Variants in TMPRSS15 observed in about 807,000 individuals in gnomAD.
TMPRSS15 encodes the protein transmembrane serine protease 15.
A neutral mutation model predicts 125.3 loss-of-function variants in TMPRSS15; 128 were observed. The observed-to-expected ratio is 1.02, with a 90% CI of 0.89 to 1.18. The LOEUF (loss-of-function observed/expected upper bound fraction) is 1.18. TMPRSS15 is among the 50% of genes most tolerant of loss of function. TMPRSS15 has a pLI of 0.00. For missense variants in TMPRSS15, 1,283 were observed against 1,212.7 expected, an observed-to-expected ratio of 1.06 and a Z score of -0.86; for synonymous variants, 446 against 423.2, an observed-to-expected ratio of 1.05 and a Z score of -0.66.
intron 18 of TMPRSS15, among the ~76,000 whole-genome samples, chr21:18,306,684 T>C (rs2075042872): frequency 6.6e-6 from 1 of 152,154 alleles, no homozygotes; most frequent in African/African-American, 2.4e-5. Context: ...TTCTAGATTT[T>C]AATGATTTAG....
intron 1 of TMPRSS15, among the ~76,000 whole-genome samples, chr21:18,444,415 T>A (rs2076250379): frequency 1.3e-5 from 2 of 151,982 alleles, no homozygotes; most frequent in African/African-American, 4.8e-5. Context: ...TTCTCACTCA[T>A]AAGTGGGAGT....
At chr21:18,417,755 C>A (rs1330497208) in intron 1 of TMPRSS15, among the ~76,000 whole-genome samples, 1 of 152,080 alleles carries the variant, frequency 6.6e-6, no homozygotes, top group African/African-American at 2.4e-5. Context: ...CAATGTGAAT[C>A]GATCCATATT....
intron 1 of TMPRSS15, among the ~76,000 whole-genome samples, chr21:18,400,890 CAAAT>C (rs1305102788): frequency 1.3e-5 from 2 of 151,970 alleles, no homozygotes; most frequent in Non-Finnish European, 2.9e-5. Context: ...AAACAAAAAA[CAAAT>C]AAACCCATTA....
At chr21:18,357,726 T>C (rs2075639717) in intron 8 of TMPRSS15, among the ~76,000 whole-genome samples, 2 of 151,778 alleles carry the variant, frequency 1.3e-5, no homozygotes, top group Non-Finnish European at 3.0e-5. Context: ...GAAATACTGC[T>C]TGTTTCCATT....
intron 1 of TMPRSS15, among the ~76,000 whole-genome samples, chr21:18,485,148 T>A (rs116614152): frequency 6.6e-6 from 1 of 151,896 alleles, no homozygotes; most frequent in Non-Finnish European, 1.5e-5. Flanking sequence ...AAAATTTTAC[T>A]CTAATGTCTT....
At position 18,279,013 on chromosome 21, in the gene TMPRSS15, A is replaced by G. The variant is rs763387419; in HGVS notation, c.2715T>C (p.Pro905=). 2.6e-6 allele frequency: 4 copies of G among 1,565,886 alleles called. No homozygotes were observed. In the Admixed American group the frequency reaches 7.0e-5, roughly 27 times the overall value. ...ICLPEENQVF[P]PGRNCSIAGW... The stretch of plus-strand genomic sequence containing the variant: ...CAGCAATAGAACAATTTCTTCCTGG[A>G]GGAAAAACTTGATTTTCTTCCGGTA... The change falls in exon 23 of 25, where the codon CCT becomes CCC. Residue 905 remains proline, a synonymous_variant. Transcript: ENST00000284885.
intron 1 of TMPRSS15, among the ~76,000 whole-genome samples, chr21:18,413,234 T>TCTC (rs2076170553): frequency 3.5e-5 from 5 of 143,052 alleles, no homozygotes; most frequent in South Asian, 2.4e-4. Context: ...TTCCTTCCTT[T>TCTC]TCTCTCTCTT....
intron 18 of TMPRSS15, among the ~76,000 whole-genome samples, chr21:18,300,883 T>C (rs2074964601): frequency 6.6e-6 from 1 of 152,088 alleles, no homozygotes; most frequent in South Asian, 2.1e-4. Context: ...ATGCCACTTG[T>C]TCCACCCCGA....
intron 24 of TMPRSS15, 54 bp downstream of exon 24, chr21:18,275,143 A>G: frequency 6.3e-7 from 1 of 1,594,146 alleles, no homozygotes; most frequent in Non-Finnish European, 8.6e-7. Flanking sequence ...CAATGAAATA[A>G]CTATAACACC....
intron 13 of TMPRSS15, among the ~76,000 whole-genome samples, chr21:18,338,017 A>C (rs1206353664): frequency 1.3e-5 from 2 of 152,206 alleles, no homozygotes; most frequent in African/African-American, 4.8e-5. Flanking sequence ...TTATTCTTTC[A>C]TTATAATTTC....
rs1364082499 is a variant in TMPRSS15, at chr21:18,352,979, TTCATTATCA to T, written c.1086_1094del (p.Asp362_Asn364del). 1 of 1,612,100 alleles carries T rather than the reference TTCATTATCA, an allele frequency of 6.2e-7. No homozygotes were observed. Among genetic ancestry groups the T allele is most frequent in the African/African-American group, 1.3e-5 (1 of 74,898 alleles). The stretch of plus-strand genomic sequence containing the variant: ...AGGTGCTTCCCTGAATCCTTTCCCA[TTCATTATCA>T]TCATTTAGATCCTGGACCCAGAAAC... On this transcript the variant is annotated inframe_deletion, in exon 10 of 25. Transcript: ENST00000284885.
intron 8 of TMPRSS15, 115 bp from the exon 9 acceptor site, chr21:18,353,978 T>A (rs2075599713): frequency 1.1e-6 from 1 of 884,804 alleles, no homozygotes; most frequent in Non-Finnish European, 1.8e-6. Context: ...TACAAATATC[T>A]ATCTGATACC....
intron 15 of TMPRSS15, 92 bp downstream of exon 15, chr21:18,329,077 A>G (rs2075319522): frequency 6.7e-7 from 1 of 1,483,994 alleles, no homozygotes; most frequent in African/African-American, 1.4e-5. Flanking sequence ...GCAAGTTGTA[A>G]AAGAGTGATT....
intron 18 of TMPRSS15, among the ~76,000 whole-genome samples, chr21:18,300,022 G>T (rs1322641215): frequency 6.6e-6 from 1 of 152,070 alleles, no homozygotes; most frequent in Non-Finnish European, 1.5e-5. Context: ...CTGTTTTACG[G>T]CACTCATGTC....
intron 17 of TMPRSS15, among the ~76,000 whole-genome samples, chr21:18,314,216 C>T (rs1163357856): frequency 6.6e-6 from 1 of 152,130 alleles, no homozygotes; most frequent in Non-Finnish European, 1.5e-5. Context: ...ACTGGGTGTG[C>T]AACCTTTGGC....
chr21:18,281,159 G>A lies in TMPRSS15; in HGVS notation c.2549C>T (p.Thr850Ile). 6.2e-7 allele frequency: 1 copy of A among 1,614,034 alleles called. No individual in the cohort carries two copies. Among genetic ancestry groups the A allele is most frequent in the Non-Finnish European group, 8.5e-7 (1 of 1,179,992 alleles). The change falls in exon 22 of 25, where the codon ACC (threonine) becomes ATC (isoleucine). Residue 850 changes from threonine (T) to isoleucine (I), a missense_variant. Transcript: ENST00000284885. ...ILGLHMKSNLTSPQTVPRLID... is the reference protein window; with the variant it reads ...ILGLHMKSNLISPQTVPRLID... ...TAATCGAGGGACTGTTTGAGGAGAG[G>A]TCAGATTTGATTTCATATGCAGGCC...
rs149147539 is a variant in TMPRSS15 at position 18,288,528 on chromosome 21, C to CTTT, written c.2486+5739_2486+5741dup. Among the ~76,000 whole-genome samples the CTTT allele has an allele frequency of 6.0e-4, 58 of 96,958 alleles. 1 individual carries two copies. Among genetic ancestry groups the CTTT allele is most frequent in the African/African-American group, 1.3e-3 (32 of 24,922 alleles). 63.6% of individuals were successfully genotyped at this position (96,958 alleles called of 152,430 possible). A position where few individuals can be genotyped will look rare whatever the true frequency, so the allele number is the denominator to read the frequency against. ...CTATTGTCCTAAGAAAATGCTCTTC[C>CTTT]TTTTTTTTTTTTTTTTTTTTTTTTT... On this transcript the variant is annotated intron_variant, in intron 21 of 24. Transcript: ENST00000284885.
chr21:18,400,517 T>C (rs1000758546), intron 1 of TMPRSS15, among the ~76,000 whole-genome samples: 2 of 152,184 alleles, frequency 1.3e-5, no homozygotes, highest in African/African-American at 4.8e-5. Flanking sequence ...CTGGTATATC[T>C]GGCTAGCCAT....
chr21:18,293,747 T>A (rs566628939), intron 21 of TMPRSS15, among the ~76,000 whole-genome samples: 1 of 152,320 alleles, frequency 6.6e-6, no homozygotes, highest in South Asian at 2.1e-4. Flanking sequence ...AAATTTCAGT[T>A]AATAGGTAGC....
Sources: gnomAD v4.1 joint callset for allele counts (sites outside exome capture counted in the v4.1 genomes callset) on GRCh38, gnomAD v4.1.1 for gene constraint, MANE v1.5 for transcripts, NCBI Gene and HGNC (gene_info 2026-07-23, HGNC 2026-07-21) for gene names.